Variants in SANBR observed in about 807,000 individuals in gnomAD.
SANBR encodes the protein SANT and BTB domain regulator of class switch recombination.
A neutral mutation model predicts 101.8 loss-of-function variants in SANBR; 77 were observed. That is an observed-to-expected ratio of 0.76 (90% confidence interval 0.63 to 0.91). SANBR has a LOEUF of 0.91. SANBR is among the 40% of genes least tolerant of loss of function. The pLI is 0.00. For synonymous variants in SANBR, 279 were observed against 274.7 expected (o/e 1.02, Z -0.15); for missense variants, 875 against 853.0 (o/e 1.03, Z -0.32).
At chr2:61,105,596 GAC>G (rs1309913048) in intron 13 of SANBR, among the ~76,000 whole-genome samples, 1 of 151,984 alleles carries the variant, frequency 6.6e-6, no homozygotes, top group Non-Finnish European at 1.5e-5. Flanking sequence ...TCGAACTCGT[GAC>G]CTCGTGAACC....
rs1684323685 is a variant in SANBR at position 61,121,357 on chromosome 2, A to C, written c.2120+81A>C. 12 of 852,390 alleles carry C rather than the reference A, an allele frequency of 1.4e-5. No individual in the cohort carries two copies. The South Asian group carries it at 1.6e-4, about 12-fold the overall frequency. 52.8% of individuals were successfully genotyped at this position (852,390 alleles called of 1,614,324 possible). On this transcript the variant is annotated intron_variant, in intron 21 of 21. Transcript: ENST00000402291. ...TTAAGATAAATCATATGAACACTAG[A>C]AACATATCATTTGAGTTTGGTTTTA...
At chr2:61,101,350 A>G (rs541288460) in intron 12 of SANBR, among the ~76,000 whole-genome samples, 1 of 152,296 alleles carries the variant, frequency 6.6e-6, no homozygotes, top group African/African-American at 2.4e-5. Flanking sequence ...TGTAACCACA[A>G]ATTTACATTT....
At chr2:61,073,322 C>T in intron 4 of SANBR, 136 bp from the exon 5 acceptor site, 1 of 446,658 alleles carries the variant, frequency 2.2e-6, no homozygotes, top group Non-Finnish European at 4.1e-6. Flanking sequence ...GAAAATGCCA[C>T]CCTGATAAGT....
chr2:61,101,714 C>T (rs1384021912), intron 12 of SANBR, among the ~76,000 whole-genome samples: 3 of 149,138 alleles, frequency 2.0e-5, no homozygotes, highest in Admixed American at 6.8e-5. Flanking sequence ...GGCAACAGAG[C>T]GAGACTCCGT....
Position 61,077,047 on chromosome 2 carries a change from T to C in SANBR, c.559T>C (p.Trp187Arg), listed in dbSNP as rs138413545. ...ATATTTATCTATGGATGCCCAGCGC[T>C]GGGAAGAGGTGGACATTTCAGTTCA... is the stretch of plus-strand genomic sequence containing the variant. ...AEYLSMDAQR[W>R]EEVDISVHCD... The change falls in exon 6 of 22, where the codon TGG becomes CGG. Residue 187 changes from tryptophan to arginine, a missense_variant. Transcript: ENST00000402291. The C allele has an allele frequency of 3.7e-6, 6 of 1,614,068 alleles. No homozygotes were observed. The highest frequency in any genetic ancestry group is 1.3e-5 in the African/African-American group (1 of 75,050).
At chr2:61,124,323 A>C, downstream of SANBR, 3 of 905,364 alleles carry the variant, frequency 3.3e-6, no homozygotes, top group South Asian at 5.1e-5. Context: ...CCATCTTCTC[A>C]GAAAAAAAGT....
chr2:61,121,926 C>T lies in SANBR; in HGVS notation c.2121-200C>T, dbSNP rs576580888. On this transcript the variant is annotated intron_variant, in intron 21 of 21. Transcript: ENST00000402291. ...CTCCAGATCCATTATATACAATGTACATAACGTATTATCTCTGAGAAGTAA... is the reference window on the plus strand; with the variant it reads ...CTCCAGATCCATTATATACAATGTATATAACGTATTATCTCTGAGAAGTAA... 7.9e-5 allele frequency among the ~76,000 whole-genome samples: 12 copies of T among 152,280 alleles called. No homozygotes were observed. In the South Asian group the frequency reaches 2.5e-3, roughly 32 times the overall value.
chr2:61,117,530 A>G lies in SANBR; in HGVS notation c.1929A>G (p.Gln643=), dbSNP rs140616326. The G allele has an allele frequency of 6.8e-6, 11 of 1,612,492 alleles. No homozygotes were observed. The African/African-American group carries it at 1.1e-4, about 16-fold the overall frequency. ...CCTTGAGATTCAACCAGGATGCACA[A>G]AGAGAAGACGGTAAATTTTATTATT... is the stretch of plus-strand genomic sequence containing the variant. ...TRSLRFNQDA[Q]REDDQRRMTE... Residue 643 remains glutamine (Q), a synonymous_variant, in exon 19 of 22, where the codon CAA becomes CAG. Transcript: ENST00000402291.
At chr2:61,078,421 T>G (rs1460428860) in intron 6 of SANBR, among the ~76,000 whole-genome samples, 2 of 151,692 alleles carry the variant, frequency 1.3e-5, no homozygotes, top group Non-Finnish European at 2.9e-5. Context: ...ACAGTGCTAC[T>G]CTTTACTCTT....
chr2:61,130,518 C>T (rs1397479729), intron 20 of SANBR, among the ~76,000 whole-genome samples: 1 of 152,162 alleles, frequency 6.6e-6, no homozygotes, highest in Admixed American at 6.5e-5. Context: ...AAATCCTCAA[C>T]ATACGCTAGC....
chr2:61,074,042 T>C (rs576264875), intron 5 of SANBR, among the ~76,000 whole-genome samples: 1 of 152,300 alleles, frequency 6.6e-6, no homozygotes, highest in South Asian at 2.1e-4. Context: ...GTGTTCACTT[T>C]GATGAGTTTT....
At chr2:61,121,152 T>C (rs1684314373) in intron 20 of SANBR, 33 bp from the exon 21 acceptor site, 2 of 1,401,176 alleles carry the variant, frequency 1.4e-6, no homozygotes, top group Non-Finnish European at 9.9e-7. Flanking sequence ...ATTGATTCTG[T>C]GAAGATAACA....
chr2:61,070,299 GA>G, intron 2 of SANBR, 42 bp from the exon 3 acceptor site: 23 of 1,425,752 alleles, frequency 1.6e-5, no homozygotes, highest in Non-Finnish European at 2.2e-5. Flanking sequence ...AAAACATTTG[GA>G]TTTCGGGTTT....
chr2:61,113,294 TA>T (rs1216756076), intron 16 of SANBR, among the ~76,000 whole-genome samples: 1 of 152,202 alleles, frequency 6.6e-6, no homozygotes, highest in Admixed American at 6.5e-5. Context: ...AATTTTAAAT[TA>T]TTTTGGCCTT....
chr2:61,088,325 C>T lies in SANBR; in HGVS notation c.978-33C>T, dbSNP rs183274866. ...AATTTACTACATTTACATTCTTCTT[C>T]CTGGATGTTTTTTGTATCTTCTTTG... On this transcript the variant is annotated intron_variant, in intron 9 of 21. Transcript: ENST00000402291. 360 of 1,568,142 alleles carry T rather than the reference C, an allele frequency of 2.3e-4. 2 individuals carry two copies. Among genetic ancestry groups the T allele is most frequent in the Non-Finnish European group, 2.5e-4 (293 of 1,158,704 alleles).
intron 4 of SANBR, 22 bp from the exon 5 acceptor site, chr2:61,073,436 T>G: frequency 9.1e-6 from 11 of 1,204,244 alleles, no homozygotes; most frequent in Non-Finnish European, 1.3e-5. Context: ...TTTTTTTGTA[T>G]GTGTTTGTTT....
intron 16 of SANBR, among the ~76,000 whole-genome samples, chr2:61,111,119 C>T (rs1182076536): frequency 2.6e-5 from 4 of 152,008 alleles, no homozygotes; most frequent in African/African-American, 7.2e-5. Flanking sequence ...TGCAGCCAGG[C>T]GCAGTGGCTC....
intron 11 of SANBR, among the ~76,000 whole-genome samples, chr2:61,096,182 A>G (rs919944897): frequency 6.6e-6 from 1 of 152,162 alleles, no homozygotes; most frequent in Non-Finnish European, 1.5e-5. Flanking sequence ...AAATGGTTTT[A>G]CCTTCTCAAG....
chr2:61,104,068 C>A, intron 13 of SANBR, 70 bp downstream of exon 13: 1 of 1,417,568 alleles, frequency 7.1e-7, no homozygotes, highest in Non-Finnish European at 9.8e-7. Flanking sequence ...AATCCCTTAT[C>A]CCCAAATCAG....
Sources: gnomAD v4.1 joint callset for allele counts (sites outside exome capture counted in the v4.1 genomes callset) on GRCh38, gnomAD v4.1.1 for gene constraint, MANE v1.5 for transcripts, NCBI Gene and HGNC (gene_info 2026-07-23, HGNC 2026-07-21) for gene names.